The following NCKAP5 variants were observed in gnomAD, a reference collection of about 807,000 sequenced individuals.
NCKAP5 encodes nck-associated protein 5.
A neutral mutation model predicts 167.0 loss-of-function variants in NCKAP5; 92 were observed. The ratio of observed to expected loss-of-function variants is 0.55; its 90% CI spans 0.47 to 0.66. NCKAP5 has a LOEUF of 0.66. NCKAP5 is among the 30% of genes least tolerant of loss of function. NCKAP5 has a pLI of 0.00. For synonymous variants in NCKAP5, 891 were observed against 877.4 expected (o/e 1.02, Z -0.27); for missense variants, 2,378 against 2,315.0 (o/e 1.03, Z -0.56).
intron 8 of NCKAP5, among the ~76,000 whole-genome samples, chr2:132,896,439 T>G (rs1053636253): frequency 6.6e-6 from 1 of 152,194 alleles, no homozygotes; most frequent in African/African-American, 2.4e-5. Flanking sequence ...TCCGTTTCTT[T>G]GTGTAAGTGA....
the NCKAP5 span, among the ~76,000 whole-genome samples, chr2:133,608,839 C>T: frequency 6.6e-6 from 1 of 152,182 alleles, no homozygotes; most frequent in Non-Finnish European, 1.5e-5. Context: ...AGAATAAAGA[C>T]CAAACTCTAC....
At chr2:133,163,966 T>C (rs1334297015) in intron 5 of NCKAP5, among the ~76,000 whole-genome samples, 7 of 152,330 alleles carry the variant, frequency 4.6e-5, no homozygotes, top group Middle Eastern at 6.8e-3. Flanking sequence ...ATCTTAAATA[T>C]GGGCATATCT....
rs1049477529 is a variant in NCKAP5 at position 132,672,750 on chromosome 2, C to T, written c.*539G>A. 6.1e-6 allele frequency: 1 copy of T among 164,028 alleles called. No individual in the cohort carries two copies. The highest frequency in any genetic ancestry group is 1.3e-5 in the Non-Finnish European group (1 of 78,592). The allele number at this position is 164,028 out of a possible 1,614,324, so 10.2% of individuals were successfully genotyped here. ...AATTTCTCTTCCAAAAAATTTACAA[C>T]TTCTGTACAAATATTCAAAAAAAGT... On this transcript the variant is annotated 3_prime_UTR_variant, in exon 20 of 20. Coordinates refer to ENST00000409261, the MANE Select transcript of NCKAP5 (RefSeq NM_207363.3).
At chr2:133,587,735 G>A in the NCKAP5 span, among the ~76,000 whole-genome samples, 2 of 152,250 alleles carry the variant, frequency 1.3e-5, no homozygotes, top group South Asian at 2.1e-4. Flanking sequence ...TGCAGCCCAC[G>A]TTTCTCTCTC....
At chr2:133,474,112 ATATCTATCTATCTATC>A (rs10668136) in intron 3 of NCKAP5, among the ~76,000 whole-genome samples, 4 of 137,954 alleles carry the variant, frequency 2.9e-5, no homozygotes, top group East Asian at 4.2e-4. Context: ...AGAAAATGTG[ATATCTATCTATCTATC>A]TATCTATCTA....
intron 19 of NCKAP5, among the ~76,000 whole-genome samples, chr2:132,679,384 C>G (rs1320419172): frequency 6.6e-6 from 1 of 152,022 alleles, no homozygotes; most frequent in African/African-American, 2.4e-5. Flanking sequence ...AAGGGGGGCC[C>G]AGAGACTCCA....
At position 133,206,192 on chromosome 2, in the gene NCKAP5, C is replaced by T. The variant is rs2085944450; in HGVS notation, c.207+7524G>A. Among the ~76,000 whole-genome samples the T allele has an allele frequency of 1.3e-5, 2 of 152,032 alleles. 1 individual carries two copies. Among genetic ancestry groups the T allele is most frequent in the South Asian group, 4.2e-4 (2 of 4,808 alleles). ...ACTAAAGATTCTTAGTGGGGATATCCTTTATCAATTTAAGGAAATTTCCAT... is the reference window on the plus strand; with the variant it reads ...ACTAAAGATTCTTAGTGGGGATATCTTTTATCAATTTAAGGAAATTTCCAT... On this transcript the variant is annotated intron_variant, in intron 5 of 19. Coordinates refer to ENST00000409261, the MANE Select transcript of NCKAP5 (RefSeq NM_207363.3).
chr2:133,469,053 A>G (rs1692831822), intron 3 of NCKAP5, among the ~76,000 whole-genome samples: 1 of 151,704 alleles, frequency 6.6e-6, no homozygotes. Context: ...TCCTGTCATT[A>G]TGATGTTAGC....
chr2:133,091,174 T>G (rs1341413863), intron 6 of NCKAP5, among the ~76,000 whole-genome samples: 1 of 152,208 alleles, frequency 6.6e-6, no homozygotes, highest in Non-Finnish European at 1.5e-5. Flanking sequence ...TACATGCCTG[T>G]GGAACTGTGA....
chr2:133,466,290 T>C (rs202114350), intron 3 of NCKAP5, among the ~76,000 whole-genome samples: 34,162 of 142,978 alleles, frequency 0.24, 3,628 homozygotes, highest in East Asian at 0.37. Flanking sequence ...TGCTTGTTTT[T>C]CTCAGGTTTG....
At chr2:133,281,614 A>G (rs1004047260) in intron 4 of NCKAP5, among the ~76,000 whole-genome samples, 1 of 152,224 alleles carries the variant, frequency 6.6e-6, no homozygotes, top group Non-Finnish European at 1.5e-5. Context: ...CACCATCACA[A>G]GTTCTTAAAA....
chr2:132,733,914 A>G lies in NCKAP5; in HGVS notation c.5129-1863T>C, dbSNP rs113755400. Among the ~76,000 whole-genome samples the G allele has an allele frequency of 2.8e-3, 425 of 152,324 alleles. 1 individual carries two copies. Among genetic ancestry groups the G allele is most frequent in the African/African-American group, 9.8e-3 (407 of 41,576 alleles). ...TGAAGTCCCTACTCAAGAGGCTTCA[A>G]TCTTCACAGGGATATTTAGTAGGAA... On this transcript the variant is annotated intron_variant, in intron 16 of 19. Coordinates refer to ENST00000409261, the MANE Select transcript of NCKAP5 (RefSeq NM_207363.3).
chr2:133,672,726 CTTTA>C, the NCKAP5 span, among the ~76,000 whole-genome samples: 266 of 152,256 alleles, frequency 1.7e-3, no homozygotes, highest in African/African-American at 6.2e-3. Context: ...TTCCATAAAA[CTTTA>C]TTTACAAAAA....
At chr2:132,849,668 T>C (rs761171461) in intron 11 of NCKAP5, among the ~76,000 whole-genome samples, 12 of 152,156 alleles carry the variant, frequency 7.9e-5, no homozygotes, top group Non-Finnish European at 1.0e-4. Context: ...ATTTCAAGAA[T>C]GGCCCGAGGT....
At chr2:132,732,147 G>T in intron 16 of NCKAP5, 96 bp from the exon 17 acceptor site, 1 of 1,194,208 alleles carries the variant, frequency 8.4e-7, no homozygotes, top group Non-Finnish European at 1.2e-6. Flanking sequence ...GAGGAAAGGA[G>T]ACACCTAGAA....
intron 3 of NCKAP5, among the ~76,000 whole-genome samples, chr2:133,465,718 G>T (rs1025018721): frequency 6.6e-6 from 1 of 152,042 alleles, no homozygotes. Flanking sequence ...GTGTGAGATG[G>T]TACCTCATTG....
the NCKAP5 span, among the ~76,000 whole-genome samples, chr2:133,591,430 A>G: frequency 7.0e-4 from 106 of 152,280 alleles, no homozygotes; most frequent in African/African-American, 2.4e-3. Flanking sequence ...AGCATCTTCC[A>G]CTGCATTGGA....
At chr2:133,207,891 G>A (rs1030310113) in intron 5 of NCKAP5, among the ~76,000 whole-genome samples, 6 of 152,180 alleles carry the variant, frequency 3.9e-5, no homozygotes, top group Non-Finnish European at 8.8e-5. Context: ...ATGAAGTGGA[G>A]CATATTTCCC....
intron 9 of NCKAP5, among the ~76,000 whole-genome samples, chr2:132,875,851 A>G (rs974297834): frequency 6.6e-6 from 1 of 152,152 alleles, no homozygotes; most frequent in African/African-American, 2.4e-5. Flanking sequence ...ATGCAGGCAC[A>G]CCTGTTTGTA....
Sources: allele counts gnomAD v4.1 joint callset (sites outside exome capture counted in the v4.1 genomes callset), GRCh38; gene constraint gnomAD v4.1.1; transcripts MANE v1.5; gene names NCBI Gene and HGNC (gene_info 2026-07-23, HGNC 2026-07-21).